SYNE1: variants seen among roughly 807,000 people sequenced by gnomAD.
SYNE1 encodes the protein nesprin-1.
SYNE1 carries 616 observed loss-of-function variants against 1,111.0 expected under a neutral mutation model. The observed-to-expected ratio is 0.55, with a 90% CI of 0.52 to 0.59. SYNE1 has a LOEUF of 0.59. SYNE1 is among the 20% of genes least tolerant of loss of function. The pLI is 0.00. For synonymous variants in SYNE1, 3,855 were observed against 3,825.8 expected (o/e 1.01, Z -0.28); for missense variants, 10,006 against 10,417.0 (o/e 0.96, Z 1.72).
chr6:152,263,595 C>T (rs2092344033), intron 100 of SYNE1, among the ~76,000 whole-genome samples: 1 of 151,468 alleles, frequency 6.6e-6, no homozygotes, highest in African/African-American at 2.4e-5. Flanking sequence ...GACAGGGTCT[C>T]ACTATGTTTC....
chr6:152,479,558 C>T (rs1312591089), intron 14 of SYNE1, among the ~76,000 whole-genome samples: 1 of 152,154 alleles, frequency 6.6e-6, no homozygotes, highest in Non-Finnish European at 1.5e-5. Context: ...AGTCACTTAA[C>T]CTCTCTCTGC....
At chr6:152,363,645 C>G in intron 63 of SYNE1, 1 of 425,412 alleles carries the variant, frequency 2.4e-6, no homozygotes, top group Non-Finnish European at 4.7e-6. Flanking sequence ...ATCCACACCC[C>G]CGGATCACAC....
chr6:152,378,230 A>T (rs955916823), intron 56 of SYNE1, among the ~76,000 whole-genome samples: 3 of 152,184 alleles, frequency 2.0e-5, no homozygotes, highest in Non-Finnish European at 4.4e-5. Flanking sequence ...TAAATTAAGG[A>T]GGAGGGGCAA....
rs781159250 is a variant in SYNE1, at chr6:152,151,656, G to A, written c.24347C>T (p.Ala8116Val). 27 of 1,614,060 alleles carry A rather than the reference G, an allele frequency of 1.7e-5. No individual in the cohort carries two copies. The East Asian group carries it at 4.2e-4, about 25-fold the overall frequency. The change falls in exon 135 of 146, where the codon GCG becomes GTG. Residue 8116 changes from alanine (A) to valine (V), a missense_variant. Ala to Val is a moderately conservative substitution (Grantham distance 64). This residue lies in a region of SYNE1 where 34 missense variants were observed against 68.3 expected (regional missense o/e 0.50). Coordinates refer to ENST00000367255, the MANE Select transcript of SYNE1 (RefSeq NM_182961.4). ...FIGQREEFET[A>V]RDSILVWLTE... is the part of the protein sequence containing the mutation. ...GAGCCAGACCAGAATGCTGTCCCGCGCAGTCTCAAACTCCTCACGCTGGCC... is the reference window on the plus strand; with the variant it reads ...GAGCCAGACCAGAATGCTGTCCCGCACAGTCTCAAACTCCTCACGCTGGCC...
At chr6:152,471,153 A>G (rs996392981) in intron 16 of SYNE1, among the ~76,000 whole-genome samples, 12 of 152,192 alleles carry the variant, frequency 7.9e-5, no homozygotes, top group Admixed American at 2.6e-4. Context: ...GACACAGTGG[A>G]CACAATCTAA....
intron 58 of SYNE1, among the ~76,000 whole-genome samples, chr6:152,375,856 A>C (rs1231636633): frequency 6.6e-6 from 1 of 152,232 alleles, no homozygotes; most frequent in African/African-American, 2.4e-5. Context: ...CATTTATATA[A>C]ATGAACTGGT....
chr6:152,196,062 C>T (rs1351329550), intron 127 of SYNE1, among the ~76,000 whole-genome samples: 4 of 152,216 alleles, frequency 2.6e-5, no homozygotes, highest in Non-Finnish European at 5.9e-5. Flanking sequence ...ACTGCCACAA[C>T]AGAACCGTGG....
intron 61 of SYNE1, chr6:152,367,846 TA>T (rs1272738900): frequency 9.9e-6 from 2 of 201,842 alleles, no homozygotes; most frequent in African/African-American, 4.7e-5. Flanking sequence ...GTTTATCAAT[TA>T]TAGGTTATAT....
At chr6:152,427,200 T>C (rs920996412) in intron 38 of SYNE1, among the ~76,000 whole-genome samples, 1 of 152,264 alleles carries the variant, frequency 6.6e-6, no homozygotes, top group Non-Finnish European at 1.5e-5. Context: ...ACATTTGTGC[T>C]CATTCATTTT....
chr6:152,148,107 G>T lies in SYNE1; in HGVS notation c.24914C>A (p.Ser8305Tyr). 1 of 1,614,196 alleles carries T rather than the reference G, an allele frequency of 6.2e-7. No homozygotes were observed. Among genetic ancestry groups the T allele is most frequent in the East Asian group, 2.2e-5 (1 of 44,864 alleles). The change falls in exon 137 of 146, where the codon TCT becomes TAT. Residue 8305 changes from serine to tyrosine, a missense_variant. Physicochemically the swap from Ser to Tyr is moderately radical, Grantham distance 144. Coordinates refer to ENST00000367255, the MANE Select transcript of SYNE1 (RefSeq NM_182961.4). The surrounding 1 kb of genome is among the most constrained non-coding windows in gnomAD (Gnocchi z 4.1). ...GTCATCCTGACCTTCTTCATCCTCA[G>T]AGGGCAGAGCTCTGGACATTGCAGA... ...LESAMSRALP[S>Y]EDEEGQDDKD...
In SYNE1 at chr6:152,409,671, T is replaced by C. The variant is rs553351806; in HGVS notation, c.6269A>G (p.Glu2090Gly). 1 of 1,613,880 alleles carries C rather than the reference T, an allele frequency of 6.2e-7. No homozygotes were observed. Among genetic ancestry groups the C allele is most frequent in the East Asian group, 2.2e-5 (1 of 44,828 alleles). The change falls in exon 43 of 146, where the codon GAA becomes GGA. Residue 2090 changes from glutamate to glycine, a missense_variant. This residue lies in a region of SYNE1 where 4,955 missense variants were observed against 5,017.2 expected (regional missense o/e 0.99). Transcript: ENST00000367255. ...TACAGCTGATTTCAGGTTCTGATAT[T>C]CTCTCATTAAGTCAATAAGTCCACA... ...QCCGLIDLMREYQNLKSAVSK... is the reference protein window; with the variant it reads ...QCCGLIDLMRGYQNLKSAVSK...
At chr6:152,485,118 A>G in intron 12 of SYNE1, 146 bp from the exon 13 acceptor site, 1 of 946,462 alleles carries the variant, frequency 1.1e-6, no homozygotes, top group South Asian at 1.6e-5. Flanking sequence ...TATGATACTA[A>G]TAGCAGCTGT....
intron 3 of SYNE1, among the ~76,000 whole-genome samples, chr6:152,577,773 CTGT>C (rs2099504253): frequency 7.3e-6 from 1 of 137,756 alleles, no homozygotes; most frequent in Non-Finnish European, 1.5e-5. Context: ...CTTGAGTTTT[CTGT>C]TTTGTTTTTT....
At chr6:152,356,354 A>G (rs1426661815) in intron 66 of SYNE1, among the ~76,000 whole-genome samples, 1 of 151,416 alleles carries the variant, frequency 6.6e-6, no homozygotes, top group Non-Finnish European at 1.5e-5. Flanking sequence ...CACTTTATCT[A>G]TTATCCAAGT....
At chr6:152,382,318 T>C (rs1423717388) in intron 55 of SYNE1, among the ~76,000 whole-genome samples, 1 of 152,042 alleles carries the variant, frequency 6.6e-6, no homozygotes, top group African/African-American at 2.4e-5. Flanking sequence ...AAGAAGAAAA[T>C]CAATGACCAA....
intron 87 of SYNE1, among the ~76,000 whole-genome samples, chr6:152,313,900 C>T (rs2095629711): frequency 6.6e-6 from 1 of 152,140 alleles, no homozygotes; most frequent in Admixed American, 6.5e-5. Context: ...CCCCATGATG[C>T]AGTCAACCCA....
Position 152,396,922 on chromosome 6 carries a change from C to T in SYNE1, c.7409G>A (p.Gly2470Glu). The T allele has an allele frequency of 6.2e-7, 1 of 1,614,156 alleles. No homozygotes were observed. The highest frequency in any genetic ancestry group is 8.5e-7 in the Non-Finnish European group (1 of 1,180,026). Reference protein sequence around the residue: ...QSKLDAVTQEGQTLYAHLSKQ... With the variant: ...QSKLDAVTQEEQTLYAHLSKQ... ...AGACAAATGTGCATACAAAGTTTGT[C>T]CTTCTTGAGTCACTGCATCAAGTTT... is the stretch of plus-strand genomic sequence containing the variant. The change falls in exon 50 of 146, where the codon GGA (glycine) becomes GAA (glutamate). Residue 2470 changes from glycine to glutamate, a missense_variant. Physicochemically the swap from Gly to Glu is moderately conservative, Grantham distance 98. Around this residue, in one of 7 missense-constraint regions of SYNE1, gnomAD observed 4,955 missense variants for 5,017.2 expected, o/e 0.99. Coordinates refer to ENST00000367255, the MANE Select transcript of SYNE1 (RefSeq NM_182961.4).
At chr6:152,418,803 A>G (rs2098208538) in intron 40 of SYNE1, among the ~76,000 whole-genome samples, 1 of 152,222 alleles carries the variant, frequency 6.6e-6, no homozygotes, top group Non-Finnish European at 1.5e-5. Context: ...AAAGACTGTT[A>G]GCACAGGCTG....
chr6:152,462,623 G>A, intron 20 of SYNE1, 115 bp downstream of exon 20: 2 of 1,271,744 alleles, frequency 1.6e-6, no homozygotes, highest in Non-Finnish European at 2.3e-6. Context: ...ATACAGACAT[G>A]TCAAAATGAT....
Sources: gnomAD v4.1 joint callset for allele counts (sites outside exome capture counted in the v4.1 genomes callset) on GRCh38, gnomAD v4.1.1 for gene constraint, gnomAD v4.1.1 regional missense constraint, Gnocchi (gnomAD v3.1) non-coding constraint, MANE v1.5 for transcripts, NCBI Gene and HGNC (gene_info 2026-07-23, HGNC 2026-07-21) for gene names.